Variants in MMP10 observed in about 807,000 individuals in gnomAD.
The protein encoded by MMP10 is stromelysin-2.
MMP10 carries 50 observed loss-of-function variants against 49.1 expected under a neutral mutation model. The ratio of observed to expected loss-of-function variants is 1.02; its 90% confidence interval spans 0.81 to 1.29. The LOEUF is 1.29. Ranked by LOEUF, MMP10 falls within the 50% of genes most tolerant of loss-of-function variation. The pLI is 0.00. For missense variants in MMP10, 613 were observed against 563.8 expected (o/e 1.09, Z -0.88); for synonymous variants, 229 against 201.6 (o/e 1.14, Z -1.15).
At chr11:102,777,733 T>C (rs1269029459) in intron 4 of MMP10, among the ~76,000 whole-genome samples, 1 of 152,210 alleles carries the variant, frequency 6.6e-6, no homozygotes, top group Non-Finnish European at 1.5e-5. Flanking sequence ...TAGTAGTAGA[T>C]ATTATTTAAC....
rs76107918 is a variant in MMP10 at position 102,773,568 on chromosome 11, G to A, written c.1067-562C>T. Reference sequence around the variant, plus strand: ...ACTGCCAGATTCACTAATCTAAAATGTCCATCTGTTGTTTATCTCTCTTGC... The same window carrying A: ...ACTGCCAGATTCACTAATCTAAAATATCCATCTGTTGTTTATCTCTCTTGC... On this transcript the variant is annotated intron_variant, in intron 7 of 9. Transcript: ENST00000279441. 1.9e-3 allele frequency among the ~76,000 whole-genome samples: 291 copies of A among 152,312 alleles called. 2 individuals are homozygous for A. The highest frequency in any genetic ancestry group is 6.8e-3 in the African/African-American group (281 of 41,562).
At chr11:102,780,370 G>T in intron 1 of MMP10, 117 bp downstream of exon 1, 1 of 770,388 alleles carries the variant, frequency 1.3e-6, no homozygotes, top group Non-Finnish European at 2.2e-6. Flanking sequence ...ATTATTCTCT[G>T]ATGCTACAGT....
chr11:102,777,658 T>C (rs1050540228), intron 4 of MMP10, among the ~76,000 whole-genome samples: 3 of 152,330 alleles, frequency 2.0e-5, no homozygotes, highest in South Asian at 2.1e-4. Context: ...ATAACAGTTT[T>C]CTGCAGCACA....
chr11:102,778,517 T>C lies in MMP10; in HGVS notation c.622+107A>G, dbSNP rs1015785620. The C allele has an allele frequency of 3.6e-5, 50 of 1,390,810 alleles. No individual in the cohort carries two copies. The Middle Eastern group carries it at 7.8e-4, about 22-fold the overall frequency. The allele number at this position is 1,390,810 out of a possible 1,614,324, so 86.2% of individuals were successfully genotyped here. A position where few individuals can be genotyped will look rare whatever the true frequency, so the allele number is the denominator to read the frequency against. The stretch of plus-strand genomic sequence containing the variant: ...GTTTAAAACTCAGGTAATAAAAAAA[T>C]TCAGTTACTAGTATATTCGATTTAT... On this transcript the variant is annotated intron_variant, in intron 4 of 9. Coordinates refer to ENST00000279441, the MANE Select transcript of MMP10 (RefSeq NM_002425.3).
At chr11:102,771,061 C>CA (rs1198700830) in intron 9 of MMP10, among the ~76,000 whole-genome samples, 168 bp from the exon 10 acceptor site, 2 of 152,100 alleles carry the variant, frequency 1.3e-5, no homozygotes, top group Non-Finnish European at 2.9e-5. Flanking sequence ...ATTACCCTTA[C>CA]AAAAAACTGT....
chr11:102,775,228 T>G lies in MMP10; in HGVS notation c.1026A>C (p.Ala342=). 6.2e-7 allele frequency: 1 copy of G among 1,609,318 alleles called. No individual in the cohort carries two copies. Among genetic ancestry groups the G allele is most frequent in the Non-Finnish European group, 8.5e-7 (1 of 1,177,250 alleles). The part of the protein sequence containing the change: ...WPSLPSYLDA[A]YEVNSRDTVF... ...CGGTGTCCCTGCTGTTAACTTCATA[T>G]GCAGCATCCAAATATGATGGAAGAG... The change falls in exon 7 of 10, where the codon GCA becomes GCC. Residue 342 remains alanine, a synonymous_variant. Transcript: ENST00000279441.
In MMP10 at chr11:102,772,232, T is replaced by C. The variant is rs545581586; in HGVS notation, c.1227-117A>G. ...TCCTAGACAAACTTTTTAAGTTGTG[T>C]AAAAAAGTGTTAAACATTTTTAGAG... is the stretch of plus-strand genomic sequence containing the variant. On this transcript the variant is annotated intron_variant, in intron 8 of 9. Coordinates refer to ENST00000279441, the MANE Select transcript of MMP10 (RefSeq NM_002425.3). The surrounding 1 kb of genome is among the most constrained non-coding windows in gnomAD (Gnocchi z 4.4). The C allele has an allele frequency of 6.4e-6, 4 of 629,902 alleles. No individual in the cohort carries two copies. In the East Asian group the frequency reaches 1.2e-4, roughly 19 times the overall value. The allele number at this position is 629,902 out of a possible 1,614,324, so 39.0% of individuals were successfully genotyped here.
intron 3 of MMP10, 119 bp from the exon 4 acceptor site, chr11:102,778,868 T>G: frequency 1.7e-6 from 2 of 1,187,286 alleles, no homozygotes; most frequent in Non-Finnish European, 2.4e-6. Context: ...ATTCATATGT[T>G]GAAACTCAAT....
At chr11:102,773,985 G>C (rs771509112) in intron 7 of MMP10, among the ~76,000 whole-genome samples, 1 of 152,228 alleles carries the variant, frequency 6.6e-6, no homozygotes, top group Non-Finnish European at 1.5e-5. Flanking sequence ...CAATACGTTA[G>C]AGTTATGTAA....
At chr11:102,776,508 A>G in intron 5 of MMP10, 84 bp from the exon 6 acceptor site, 1 of 1,582,706 alleles carries the variant, frequency 6.3e-7, no homozygotes, top group South Asian at 1.1e-5. Context: ...AACATTCTCA[A>G]AGTGCTTCAG....
intron 1 of MMP10, among the ~76,000 whole-genome samples, chr11:102,780,260 T>A (rs1350185497): frequency 6.6e-6 from 1 of 152,242 alleles, no homozygotes; most frequent in East Asian, 1.9e-4. Context: ...ACAAATATAC[T>A]GCTACTATTT....
chr11:102,776,206 T>G lies in MMP10; in HGVS notation c.932+74A>C, dbSNP rs1048488689. The G allele has an allele frequency of 3.6e-6, 5 of 1,391,690 alleles. No individual in the cohort carries two copies. The African/African-American group carries it at 7.3e-5, about 20-fold the overall frequency. The allele number at this position is 1,391,690 out of a possible 1,614,324, so 86.2% of individuals were successfully genotyped here. ...ACCTAAAATTAAAAAAAAAGCTCTG[T>G]CAAGTTTCTGTTTTTCTTTCTAAGC... On this transcript the variant is annotated intron_variant, in intron 6 of 9. Transcript: ENST00000279441.
rs1263168070 is a variant in MMP10, at chr11:102,776,674, A to G, written c.725T>C (p.Phe242Ser). The change falls in exon 5 of 10, where the codon TTC becomes TCC. Residue 242 changes from phenylalanine to serine, a missense_variant. Phe to Ser is a radical substitution (Grantham distance 155, BLOSUM62 -2). Transcript: ENST00000279441. ...AAGGCGGAACTGGGCGAGCTCTGTG[A>G]ATGAGTTGTAGAGTGGGTACATCAA... ...EALMYPLYNS[F>S]TELAQFRLSQ... 5 of 1,614,010 alleles carry G rather than the reference A, an allele frequency of 3.1e-6. No homozygotes were observed. The highest frequency in any genetic ancestry group is 4.2e-6 in the Non-Finnish European group (5 of 1,179,944).
At chr11:102,771,538 A>G (rs564973264) in intron 9 of MMP10, among the ~76,000 whole-genome samples, 1 of 152,280 alleles carries the variant, frequency 6.6e-6, no homozygotes, top group East Asian at 1.9e-4. Context: ...TTTTGAGCAT[A>G]TGGGAGGACT....
At chr11:102,776,848 C>G in intron 4 of MMP10, 72 bp from the exon 5 acceptor site, 1 of 1,563,022 alleles carries the variant, frequency 6.4e-7, no homozygotes, top group Non-Finnish European at 8.8e-7. Flanking sequence ...GAACATATGC[C>G]AGCTGTACAG....
chr11:102,772,993 C>G lies in MMP10; in HGVS notation c.1080G>C (p.Trp360Cys), dbSNP rs1259398084. 6.3e-7 allele frequency: 1 copy of G among 1,593,994 alleles called. No individual in the cohort carries two copies. The highest frequency in any genetic ancestry group is 1.4e-5 in the African/African-American group (1 of 73,734). The stretch of plus-strand genomic sequence containing the variant: ...CTTGTACCTCATTTCCTCTGATGGC[C>G]CAGAACTCATTTCCTATTGAAAAAA... ...TVFIFKGNEF[W>C]AIRGNEVQAG... The change falls in exon 8 of 10, where the codon TGG (tryptophan) becomes TGC (cysteine). Residue 360 changes from tryptophan to cysteine, a missense_variant. By Grantham distance (215) the Trp-to-Cys change is radical. Coordinates refer to ENST00000279441, the MANE Select transcript of MMP10 (RefSeq NM_002425.3). The surrounding 1 kb of genome is among the most constrained non-coding windows in gnomAD (Gnocchi z 4.4).
Position 102,779,345 on chromosome 11 carries a change from G to A in MMP10, c.364C>T (p.Pro122Ser). 3.1e-6 allele frequency: 5 copies of A among 1,614,070 alleles called. No homozygotes were observed. Among genetic ancestry groups the A allele is most frequent in the Non-Finnish European group, 4.2e-6 (5 of 1,179,990 alleles). Residue 122 changes from proline to serine, a missense_variant, in exon 3 of 10, where the codon CCA (proline) becomes TCA (serine). Coordinates refer to ENST00000279441, the MANE Select transcript of MMP10 (RefSeq NM_002425.3). ...HLTYRIVNYT[P>S]DLPRDAVDSA... ...TCAACAGCATCTCTTGGCAAATCTGGTGTATAATTCACAATCCTGGAGGAG... is the reference window on the plus strand; with the variant it reads ...TCAACAGCATCTCTTGGCAAATCTGATGTATAATTCACAATCCTGGAGGAG...
chr11:102,772,849 C>G lies in MMP10; in HGVS notation c.1224G>C (p.Trp408Cys). Reference sequence around the variant, plus strand: ...AAGTCATTTCTCTTGCATCTCACCTCCAGTATTTGTCCGCTGCAAAGAAGT... The same window carrying G: ...AAGTCATTTCTCTTGCATCTCACCTGCAGTATTTGTCCGCTGCAAAGAAGT... ...KTYFFAADKY[W>C]RFDENSQSME... The change falls in exon 8 of 10, where the codon TGG becomes TGC. Residue 408 changes from tryptophan (W) to cysteine (C), a missense_variant and splice_region_variant. Trp to Cys is a radical substitution (Grantham distance 215, BLOSUM62 -2). Coordinates refer to ENST00000279441, the MANE Select transcript of MMP10 (RefSeq NM_002425.3). The surrounding 1 kb of genome is among the most constrained non-coding windows in gnomAD (Gnocchi z 4.4). The G allele has an allele frequency of 1.2e-6, 2 of 1,607,002 alleles. No homozygotes were observed. Among genetic ancestry groups the G allele is most frequent in the Non-Finnish European group, 1.7e-6 (2 of 1,177,734 alleles).
intron 9 of MMP10, 80 bp downstream of exon 9, chr11:102,771,932 G>A (rs774927611): frequency 7.8e-6 from 7 of 895,112 alleles, no homozygotes; most frequent in Non-Finnish European, 1.3e-5. Context: ...TTTAAAAACT[G>A]TTTTGATTCT....
Sources: allele counts gnomAD v4.1 joint callset (sites outside exome capture counted in the v4.1 genomes callset), GRCh38; gene constraint gnomAD v4.1.1; non-coding constraint Gnocchi (gnomAD v3.1); transcripts MANE v1.5; gene names NCBI Gene and HGNC (gene_info 2026-07-23, HGNC 2026-07-21).